RANBP2: variants seen among roughly 807,000 people sequenced by gnomAD.
RANBP2 encodes RAN binding protein 2.
Under a neutral mutation model 303.6 loss-of-function variants are expected in RANBP2, and 57 were observed. That is an observed-to-expected ratio of 0.19 (90% CI 0.15 to 0.23). The LOEUF (loss-of-function observed/expected upper bound fraction) is 0.23, where lower values mean the gene tolerates loss of function less well. Among genes scored for constraint, RANBP2 ranks in the 10% least tolerant of loss-of-function variants. The pLI, the probability that RANBP2 is intolerant of heterozygous loss-of-function variation, is 1.00. For synonymous variants in RANBP2, 1,167 were observed against 1,301.5 expected (o/e 0.90, Z 2.23); for missense variants, 3,138 against 3,780.8 (o/e 0.83, Z 4.46).
chr2:108,791,596 A>C, the RANBP2 span: 2 of 1,477,250 alleles, frequency 1.4e-6, no homozygotes, highest in Non-Finnish European at 9.4e-7. Context: ...TATGCTGTTA[A>C]TATTTGAAAA....
the RANBP2 span, among the ~76,000 whole-genome samples, chr2:108,806,779 T>A: frequency 1.4e-4 from 22 of 152,230 alleles, no homozygotes; most frequent in African/African-American, 4.1e-4. Context: ...CATAGTAATT[T>A]ATGCTAACAC....
chr2:109,506,803 C>T, the RANBP2 span, among the ~76,000 whole-genome samples: 1 of 152,204 alleles, frequency 6.6e-6, no homozygotes. Context: ...ACAGGGGGCT[C>T]TGCTGGTAGC....
chr2:108,720,043 C>T (rs1465591371), intron 1 of RANBP2: 43 of 984,940 alleles, frequency 4.4e-5, no homozygotes, highest in Admixed American at 1.2e-4. Context: ...GCTGTATCGG[C>T]GGGTTTCTTC....
intron 1 of RANBP2, among the ~76,000 whole-genome samples, chr2:108,725,499 C>T (rs1347322102): frequency 3.9e-5 from 6 of 152,330 alleles, no homozygotes; most frequent in East Asian, 1.9e-4. Flanking sequence ...CAATGGCTGA[C>T]GCCTGTAATC....
At chr2:108,945,262 T>C in the RANBP2 span, among the ~76,000 whole-genome samples, 1 of 152,070 alleles carries the variant, frequency 6.6e-6, no homozygotes, top group South Asian at 2.1e-4. Flanking sequence ...TGCCACTGAG[T>C]CCAAGCATGT....
At chr2:109,188,149 C>T in the RANBP2 span, among the ~76,000 whole-genome samples, 6 of 152,360 alleles carry the variant, frequency 3.9e-5, no homozygotes, top group Non-Finnish European at 8.8e-5. Flanking sequence ...ATATGACTTA[C>T]AGCAGTGTAT....
chr2:108,775,093 A>G (rs1677782944), intron 23 of RANBP2, among the ~76,000 whole-genome samples: 1 of 152,200 alleles, frequency 6.6e-6, no homozygotes, highest in African/African-American at 2.4e-5. Flanking sequence ...AGCACTTCCT[A>G]GCTGCAACTG....
chr2:109,359,065 C>G, the RANBP2 span, among the ~76,000 whole-genome samples: 3 of 152,126 alleles, frequency 2.0e-5, no homozygotes, highest in Admixed American at 2.0e-4. Flanking sequence ...GTCTTTGTTC[C>G]TTTGTCAAAG....
the RANBP2 span, among the ~76,000 whole-genome samples, chr2:109,338,372 G>C: frequency 1.3e-5 from 2 of 152,046 alleles, no homozygotes; most frequent in South Asian, 2.1e-4. Context: ...TGAGCGCTGG[G>C]GACCCAGTTC....
At chr2:108,849,441 C>T in the RANBP2 span, among the ~76,000 whole-genome samples, 3 of 152,144 alleles carry the variant, frequency 2.0e-5, no homozygotes, top group Non-Finnish European at 4.4e-5. Context: ...TTCCTCCACA[C>T]CCTGGCCACT....
the RANBP2 span, among the ~76,000 whole-genome samples, chr2:109,414,508 C>A: frequency 0.54 from 82,055 of 151,900 alleles, 22,459 homozygotes; most frequent in South Asian, 0.64. Flanking sequence ...ACACGAGGAG[C>A]AATCAGAGGC....
the RANBP2 span, among the ~76,000 whole-genome samples, chr2:109,483,203 G>A: frequency 1.1e-3 from 173 of 152,132 alleles, no homozygotes; most frequent in South Asian, 4.2e-3. Flanking sequence ...CCCCATCTCC[G>A]ACAGGAAAAT....
intron 9 of RANBP2, among the ~76,000 whole-genome samples, chr2:108,749,770 A>G (rs1675710135): frequency 6.6e-6 from 1 of 151,110 alleles, no homozygotes; most frequent in Non-Finnish European, 1.5e-5. Context: ...TTTTTTTTTT[A>G]ATTGGTAGAG....
the RANBP2 span, among the ~76,000 whole-genome samples, chr2:108,966,933 A>G: frequency 6.6e-6 from 1 of 151,996 alleles, no homozygotes; most frequent in Admixed American, 6.5e-5. Context: ...CCAATTGTGC[A>G]TGGGTTTGTT....
the RANBP2 span, among the ~76,000 whole-genome samples, chr2:109,268,396 A>G: frequency 6.6e-6 from 1 of 152,020 alleles, no homozygotes; most frequent in Admixed American, 6.5e-5. Flanking sequence ...CAACTGCAGC[A>G]GGGCTGAGAG....
At chr2:109,607,594 C>T in the RANBP2 span, among the ~76,000 whole-genome samples, 2 of 152,174 alleles carry the variant, frequency 1.3e-5, no homozygotes, top group South Asian at 4.2e-4. Context: ...AACTTAATTA[C>T]CTGGGCTAAT....
the RANBP2 span, among the ~76,000 whole-genome samples, chr2:109,009,809 G>A: frequency 2.1e-4 from 32 of 149,726 alleles, no homozygotes; most frequent in Middle Eastern, 3.5e-3. Context: ...GGCCTCCCAA[G>A]GCATGAGCTA....
At chr2:109,176,164 G>A in the RANBP2 span, among the ~76,000 whole-genome samples, 278 of 152,272 alleles carry the variant, frequency 1.8e-3, no homozygotes, top group African/African-American at 5.8e-3. Context: ...AAAATTCAAA[G>A]GGTAATAACC....
the RANBP2 span, among the ~76,000 whole-genome samples, chr2:109,415,166 A>G: frequency 2.0e-5 from 3 of 151,998 alleles, no homozygotes; most frequent in South Asian, 6.2e-4. Flanking sequence ...TCTCCTCCAG[A>G]CTCCCAGAGG....
Sources: allele counts gnomAD v4.1 joint callset (sites outside exome capture counted in the v4.1 genomes callset), GRCh38; gene constraint gnomAD v4.1.1; transcripts MANE v1.5; gene names NCBI Gene and HGNC (gene_info 2026-07-23, HGNC 2026-07-21).